The following PRTFDC1 variants were observed in gnomAD, a reference collection of about 807,000 sequenced individuals.
The protein encoded by PRTFDC1 is phosphoribosyl transferase domain containing 1.
Under a neutral mutation model 34.6 loss-of-function variants are expected in PRTFDC1, and 38 were observed. The observed-to-expected ratio is 1.10, with a 90% confidence interval of 0.85 to 1.44. PRTFDC1 has a LOEUF of 1.44. Ranked by LOEUF, PRTFDC1 falls within the 40% of genes most tolerant of loss-of-function variation. The pLI is 0.00. For synonymous variants in PRTFDC1, 93 were observed against 98.1 expected (o/e 0.95, Z 0.31); for missense variants, 270 against 283.0 (o/e 0.95, Z 0.33).
At position 24,944,928 on chromosome 10, in the gene PRTFDC1, T is replaced by C. The variant is rs181345417; in HGVS notation, c.49-2492A>G. 4.0e-3 allele frequency among the ~76,000 whole-genome samples: 602 copies of C among 152,310 alleles called. 13 individuals carry two copies. Among genetic ancestry groups the C allele is most frequent in the Admixed American group, 0.038 (582 of 15,298 alleles). On this transcript the variant is annotated intron_variant, in intron 1 of 8. Transcript: ENST00000320152. ...GGGATTACCTTGTCTGACTCATTCC[T>C]GGCACTCTTCCTCTTCCCTCTGCTT...
At chr10:24,855,760 A>C (rs1428405555) in intron 6 of PRTFDC1, among the ~76,000 whole-genome samples, 1 of 151,728 alleles carries the variant, frequency 6.6e-6, no homozygotes, top group Non-Finnish European at 1.5e-5. Context: ...GCACTATTGC[A>C]CTCCAGCCTA....
At chr10:24,860,130 A>T (rs1337177684) in intron 4 of PRTFDC1, among the ~76,000 whole-genome samples, 1 of 152,208 alleles carries the variant, frequency 6.6e-6, no homozygotes, top group Non-Finnish European at 1.5e-5. Context: ...CTGTAATCCC[A>T]GCACTTTAGG....
At chr10:24,862,048 A>G (rs1847688632) in intron 4 of PRTFDC1, among the ~76,000 whole-genome samples, 1 of 152,120 alleles carries the variant, frequency 6.6e-6, no homozygotes, top group Non-Finnish European at 1.5e-5. Flanking sequence ...ACATTATAAA[A>G]TGCTTGAAAA....
chr10:24,880,816 T>G (rs190150491), intron 3 of PRTFDC1, among the ~76,000 whole-genome samples: 25 of 55,174 alleles, frequency 4.5e-4, no homozygotes, highest in Non-Finnish European at 7.2e-4. Context: ...TGTCTTTCTC[T>G]TTCTTTCTTT....
chr10:24,851,289 CTCAA>C, intron 8 of PRTFDC1, 95 bp downstream of exon 8: 2 of 1,480,460 alleles, frequency 1.4e-6, no homozygotes, highest in Middle Eastern at 1.9e-4. Flanking sequence ...ATAGAAGATA[CTCAA>C]TCAATAGCAG....
At position 24,858,747 on chromosome 10, in the gene PRTFDC1, G is replaced by C. The variant is rs576229585; in HGVS notation, c.406-338C>G. ...TCCCTTGGGAGGCAAAGCCTGTTGAGAGTTTACCAGGAAAACAATGCAACA... is the reference window on the plus strand; with the variant it reads ...TCCCTTGGGAGGCAAAGCCTGTTGACAGTTTACCAGGAAAACAATGCAACA... On this transcript the variant is annotated intron_variant, in intron 4 of 8. Coordinates refer to ENST00000320152, the MANE Select transcript of PRTFDC1 (RefSeq NM_020200.7). Among the ~76,000 whole-genome samples, 13 of 152,294 alleles carry C rather than the reference G, an allele frequency of 8.5e-5. No individual in the cohort carries two copies. In the South Asian group the frequency reaches 1.2e-3, roughly 15 times the overall value.
intron 3 of PRTFDC1, among the ~76,000 whole-genome samples, chr10:24,884,529 G>A (rs1848132110): frequency 6.6e-6 from 1 of 152,208 alleles, no homozygotes; most frequent in Admixed American, 6.5e-5. Flanking sequence ...CACCCGCAGA[G>A]CCAGGCAAGA....
At chr10:24,855,613 C>A (rs772190920) in intron 6 of PRTFDC1, among the ~76,000 whole-genome samples, 1 of 151,904 alleles carries the variant, frequency 6.6e-6, no homozygotes, top group East Asian at 1.9e-4. Flanking sequence ...GGCAACATAG[C>A]GAGACCCCTG....
intron 3 of PRTFDC1, among the ~76,000 whole-genome samples, chr10:24,928,994 C>G (rs1312808472): frequency 6.9e-6 from 1 of 144,846 alleles, no homozygotes; most frequent in Non-Finnish European, 1.5e-5. Flanking sequence ...GAGTCGAGAT[C>G]GCAGCCACTG....
At chr10:24,908,144 C>A (rs6482454) in intron 3 of PRTFDC1, among the ~76,000 whole-genome samples, 1 of 149,152 alleles carries the variant, frequency 6.7e-6, no homozygotes, top group Non-Finnish European at 1.5e-5. Flanking sequence ...CTGAGTACTG[C>A]GAGATCCACA....
Position 24,872,757 on chromosome 10 carries a change from CGT to C in PRTFDC1, c.340-696_340-695del, listed in dbSNP as rs1233940138. ...ATATATATACAAATATATGTGCACA[CGT>C]GTGTGTGTATATATATATGTGTGTG... On this transcript the variant is annotated intron_variant, in intron 3 of 8. Transcript: ENST00000320152. Among the ~76,000 whole-genome samples the C allele has an allele frequency of 6.1e-5, 8 of 131,808 alleles. No individual in the cohort carries two copies. The South Asian group carries it at 1.2e-3, about 20-fold the overall frequency. The allele number at this position is 131,808 out of a possible 152,430, so 86.5% of individuals were successfully genotyped here.
intron 3 of PRTFDC1, among the ~76,000 whole-genome samples, chr10:24,892,237 T>C (rs1848275399): frequency 1.3e-5 from 2 of 152,312 alleles, no homozygotes; most frequent in African/African-American, 4.8e-5. Flanking sequence ...TCCACCCACT[T>C]TGGCCTCCCA....
chr10:24,858,484 T>C, intron 4 of PRTFDC1, 75 bp from the exon 5 acceptor site: 1 of 1,496,400 alleles, frequency 6.7e-7, no homozygotes, highest in Non-Finnish European at 9.3e-7. Context: ...TTTTTTTGCT[T>C]ATAGTTAGAA....
At chr10:24,855,924 G>A (rs1003442235) in intron 6 of PRTFDC1, among the ~76,000 whole-genome samples, 42 of 152,110 alleles carry the variant, frequency 2.8e-4, no homozygotes, top group African/African-American at 9.9e-4. Flanking sequence ...GACCAGCCTG[G>A]CCAACATGGT....
At chr10:24,939,196 G>A (rs1427813129) in intron 2 of PRTFDC1, among the ~76,000 whole-genome samples, 2 of 151,250 alleles carry the variant, frequency 1.3e-5, no homozygotes, top group African/African-American at 2.4e-5. Context: ...AGCTACTCAG[G>A]AAGCTGAGGC....
intron 1 of PRTFDC1, among the ~76,000 whole-genome samples, chr10:24,946,536 C>T (rs1319198278): frequency 1.3e-5 from 2 of 152,096 alleles, no homozygotes; most frequent in South Asian, 4.1e-4. Context: ...GTGTTAAGAG[C>T]ATGGACATGG....
chr10:24,912,726 T>A (rs1488772740), intron 3 of PRTFDC1, among the ~76,000 whole-genome samples: 2 of 152,098 alleles, frequency 1.3e-5, no homozygotes, highest in Non-Finnish European at 2.9e-5. Flanking sequence ...TCATTCTCTT[T>A]TACCTCATAT....
chr10:24,939,793 C>CAAAA (rs55974992), intron 2 of PRTFDC1, among the ~76,000 whole-genome samples: 48 of 71,474 alleles, frequency 6.7e-4, no homozygotes, highest in African/African-American at 1.1e-3. Flanking sequence ...GACTCTATCT[C>CAAAA]AAAAAAAAAA....
intron 3 of PRTFDC1, among the ~76,000 whole-genome samples, chr10:24,936,444 A>G (rs990901548): frequency 1.3e-4 from 20 of 152,026 alleles, no homozygotes; most frequent in Non-Finnish European, 1.5e-4. Context: ...ACACTCAGCT[A>G]ATTTTAAAAA....
Sources: gnomAD v4.1 joint callset for allele counts (sites outside exome capture counted in the v4.1 genomes callset) on GRCh38, gnomAD v4.1.1 for gene constraint, MANE v1.5 for transcripts, NCBI Gene and HGNC (gene_info 2026-07-23, HGNC 2026-07-21) for gene names.